The following PHKA1 variants were observed in gnomAD, a reference collection of about 807,000 sequenced individuals.
The protein encoded by PHKA1 is phosphorylase b kinase regulatory subunit alpha, skeletal muscle isoform.
Under a neutral mutation model 110.2 loss-of-function variants are expected in PHKA1, and 60 were observed. That is an observed-to-expected ratio of 0.54 (90% CI 0.44 to 0.68). PHKA1 has a LOEUF of 0.68. Ranked by LOEUF, PHKA1 falls within the 30% of genes least tolerant of loss-of-function variation. The pLI is 0.00. For synonymous variants in PHKA1, 316 were observed against 333.6 expected, an observed-to-expected ratio of 0.95 and a Z score of 0.58; for missense variants, 801 against 942.5, an observed-to-expected ratio of 0.85 and a Z score of 1.97.
Position 72,713,670 on chromosome X carries a change from T to TCACACACA in PHKA1, c.78+125_78+132dup, listed in dbSNP as rs58583639. On this transcript the variant is annotated intron_variant, in intron 1 of 31. Coordinates refer to ENST00000373542, the MANE Select transcript of PHKA1 (RefSeq NM_002637.4). ...ACGCGGAGTTCATGCAAGGTCTCCG[T>TCACACACA]CACACACACACACACACACACACAC... is the stretch of plus-strand genomic sequence containing the variant. 0.069 allele frequency: 31,744 copies of TCACACACA among 462,246 alleles called. 446 individuals are homozygous for TCACACACA. Among genetic ancestry groups the TCACACACA allele is most frequent in the Non-Finnish European group, 0.087 (22,979 of 263,017 alleles). 38.1% of individuals were successfully genotyped at this position (462,246 alleles called of 1,213,427 possible).
At chrX:72,685,590 C>A (rs1321928368) in intron 4 of PHKA1, among the ~76,000 whole-genome samples, 2 of 111,730 alleles carry the variant, frequency 1.8e-5, no homozygotes, top group African/African-American at 3.2e-5. Context: ...TTACTTAATC[C>A]TGAGCACTAA....
chrX:72,608,108 AT>A lies in PHKA1; in HGVS notation c.2606+1515del, dbSNP rs782635248. ...ACCAGAATGTCTGGTCACTGTGCTG[AT>A]TGTTCAGGTCCCAAGGGCTGTTTAG... is the stretch of plus-strand genomic sequence containing the variant. On this transcript the variant is annotated intron_variant, in intron 23 of 31. Coordinates refer to ENST00000373542, the MANE Select transcript of PHKA1 (RefSeq NM_002637.4). 2.7e-5 allele frequency among the ~76,000 whole-genome samples: 3 copies of A among 111,508 alleles called. No individual in the cohort carries two copies. The East Asian group carries it at 8.6e-4, about 32-fold the overall frequency.
chrX:72,584,411 T>C, intron 29 of PHKA1, 109 bp from the exon 30 acceptor site: 4 of 724,007 alleles, frequency 5.5e-6, no homozygotes. Context: ...CCTCATGTGG[T>C]ATATGCTGAG....
intron 29 of PHKA1, among the ~76,000 whole-genome samples, chrX:72,584,629 G>T (rs782269342): frequency 3.6e-5 from 4 of 111,464 alleles, no homozygotes; most frequent in Non-Finnish European, 7.5e-5. Context: ...ATACTAGGTC[G>T]CACGGCCATC....
In PHKA1 at chrX:72,580,858, G is replaced by A. The variant is rs782068616; in HGVS notation, c.*144C>T. The A allele has an allele frequency of 1.4e-4, 82 of 569,549 alleles. No homozygotes were observed. In the South Asian group the frequency reaches 1.7e-3, roughly 12 times the overall value. 46.9% of individuals were successfully genotyped at this position (569,549 alleles called of 1,213,427 possible). The stretch of plus-strand genomic sequence containing the variant: ...CTTCTTCTACAGTAGTTAGTTTATC[G>A]AAAAAGTTCTCTCTTCTTGGGAAGG... On this transcript the variant is annotated 3_prime_UTR_variant, in exon 32 of 32. Coordinates refer to ENST00000373542, the MANE Select transcript of PHKA1 (RefSeq NM_002637.4).
At chrX:72,592,024 GCTTATTTA>G (rs1361610701) in intron 29 of PHKA1, among the ~76,000 whole-genome samples, 1 of 111,331 alleles carries the variant, frequency 9.0e-6, no homozygotes, top group East Asian at 2.8e-4. Flanking sequence ...TAGATACTTT[GCTTATTTA>G]CTGTTTATTA....
rs1603264435 is a variant in PHKA1, at chrX:72,654,634, A to G, written c.1042-1104T>C. Among the ~76,000 whole-genome samples the G allele has an allele frequency of 3.6e-5, 4 of 111,293 alleles. 1 individual carries two copies. The Admixed American group carries it at 3.8e-4, about 11-fold the overall frequency. On this transcript the variant is annotated intron_variant, in intron 10 of 31. Coordinates refer to ENST00000373542, the MANE Select transcript of PHKA1 (RefSeq NM_002637.4). ...GTGAAAGTACGGTAACTATTGTGGT[A>G]TTTATGTATTTCTTAACTATTTACC...
intron 3 of PHKA1, among the ~76,000 whole-genome samples, chrX:72,704,415 CGCA>C (rs1394916842): frequency 5.4e-5 from 6 of 111,018 alleles, no homozygotes; most frequent in Non-Finnish European, 7.5e-5. Context: ...GTTCTAGACC[CGCA>C]GAAGGCATAA....
At chrX:72,687,980 C>T (rs782446174) in intron 4 of PHKA1, among the ~76,000 whole-genome samples, 2 of 108,761 alleles carry the variant, frequency 1.8e-5, no homozygotes, top group Non-Finnish European at 3.8e-5. Context: ...GCACCCACCA[C>T]CATGCCCGGC....
chrX:72,652,760 C>G, intron 11 of PHKA1, 109 bp from the exon 12 acceptor site: 1 of 549,272 alleles, frequency 1.8e-6, no homozygotes. Context: ...GCTACATATG[C>G]AATGCACTGA....
chrX:72,709,796 T>G, intron 2 of PHKA1, among the ~76,000 whole-genome samples: 1 of 110,246 alleles, frequency 9.1e-6, no homozygotes. Flanking sequence ...ATCCCAGCAC[T>G]TTGGGAGGCT....
intron 14 of PHKA1, among the ~76,000 whole-genome samples, chrX:72,643,961 A>T (rs1239278736): frequency 8.9e-6 from 1 of 112,005 alleles, no homozygotes; most frequent in Admixed American, 9.5e-5. Context: ...ATATTAAGGA[A>T]TCTTTTATAT....
In PHKA1 at chrX:72,579,281, T is replaced by C. The variant is rs1406257429; in HGVS notation, c.*1721A>G. 2 of 112,315 alleles carry C rather than the reference T, an allele frequency of 1.8e-5. No homozygotes were observed. Among genetic ancestry groups the C allele is most frequent in the African/African-American group, 6.5e-5 (2 of 30,877 alleles). The allele number at this position is 112,315 out of a possible 1,213,427, so 9.3% of individuals were successfully genotyped here. A position where few individuals can be genotyped will look rare whatever the true frequency, so the allele number is the denominator to read the frequency against. On this transcript the variant is annotated 3_prime_UTR_variant, in exon 32 of 32. Transcript: ENST00000373542. ...CTGAAAAGGTTTGCTGTCCTCTCTT[T>C]GTTTCTACTATCTGTATTCTATCAC...
At chrX:72,618,891 T>C (rs782268167) in intron 20 of PHKA1, 42 bp from the exon 21 acceptor site, 2 of 1,137,834 alleles carry the variant, frequency 1.8e-6, no homozygotes, top group African/African-American at 1.8e-5. Context: ...AGTTCACAAG[T>C]GCTCAACTTA....
intron 2 of PHKA1, among the ~76,000 whole-genome samples, chrX:72,706,628 G>A (rs990679305): frequency 7.2e-5 from 8 of 111,092 alleles, no homozygotes; most frequent in Admixed American, 4.8e-4. Flanking sequence ...ATGGCCTAAA[G>A]GAACTCATTT....
intron 21 of PHKA1, among the ~76,000 whole-genome samples, chrX:72,613,378 T>TACACAC (rs60746566): frequency 6.3e-4 from 62 of 97,992 alleles, no homozygotes; most frequent in Middle Eastern, 5.3e-3. Context: ...CATGGGAGGA[T>TACACAC]ACACACACAC....
At chrX:72,690,625 G>A in intron 4 of PHKA1, among the ~76,000 whole-genome samples, 1 of 112,062 alleles carries the variant, frequency 8.9e-6, no homozygotes, top group Non-Finnish European at 1.9e-5. Flanking sequence ...CCAGCCTCCA[G>A]AACTGTGAGA....
chrX:72,627,033 G>T lies in PHKA1; in HGVS notation c.1731C>A (p.Ser577Arg). Reference protein sequence around the residue: ...SHSMLDEDGTSLNSSILAALR... With the variant: ...SHSMLDEDGTRLNSSILAALR... The stretch of plus-strand genomic sequence containing the variant: ...GTGCTGCCAGGATACTTGAATTCAA[G>T]CTTGTTCCATCTTCATCTTGAAATG... The change falls in exon 17 of 32, where the codon AGC (serine) becomes AGA (arginine). Residue 577 changes from serine (S) to arginine (R), a missense_variant. Transcript: ENST00000373542. The T allele has an allele frequency of 1.7e-6, 2 of 1,205,789 alleles. No homozygotes were observed. Among genetic ancestry groups the T allele is most frequent in the Non-Finnish European group, 2.2e-6 (2 of 890,104 alleles).
rs2053994934 is a variant in PHKA1 at position 72,688,464 on chromosome X, T to G, written c.455-3884A>C. ...AGAAGGCAAAAGTATGAAACTGGTA[T>G]TATTCATCTGTTAGACTTGCATCAC... On this transcript the variant is annotated intron_variant, in intron 4 of 31. Coordinates refer to ENST00000373542, the MANE Select transcript of PHKA1 (RefSeq NM_002637.4). Among the ~76,000 whole-genome samples the G allele has an allele frequency of 2.7e-5, 3 of 112,403 alleles. No individual in the cohort carries two copies. The South Asian group carries it at 1.1e-3, about 42-fold the overall frequency.
Sources: allele counts gnomAD v4.1 joint callset (sites outside exome capture counted in the v4.1 genomes callset), GRCh38; gene constraint gnomAD v4.1.1; transcripts MANE v1.5; gene names NCBI Gene and HGNC (gene_info 2026-07-23, HGNC 2026-07-21).